Variants in SLC16A7 observed in about 807,000 individuals in gnomAD.
SLC16A7 encodes monocarboxylate transporter 2.
In SLC16A7, 33 loss-of-function variants were observed where a neutral mutation model predicts 34.9. The observed-to-expected ratio is 0.94, with a 90% CI of 0.72 to 1.26. The LOEUF is 1.26. SLC16A7 is among the 50% of genes most tolerant of loss of function. The probability of loss-of-function intolerance (pLI) is 0.00; values close to 1 mark genes in which losing one functional copy is unlikely to be tolerated. For synonymous variants in SLC16A7, 201 were observed against 206.6 expected, an observed-to-expected ratio of 0.97 and a Z score of 0.23; for missense variants, 573 against 578.1, an observed-to-expected ratio of 0.99 and a Z score of 0.09.
At chr12:59,705,054 GAAAATAATTCCTCC>G in intron 3 of SLC16A7, 36 bp downstream of exon 3, 1 of 1,372,640 alleles carries the variant, frequency 7.3e-7, no homozygotes, top group Non-Finnish European at 1.0e-6. Flanking sequence ...CCTGAATTAA[GAAAATAATTCCTCC>G]ATGTCACAAT....
At chr12:59,627,416 A>G (rs1448466165) in intron 1 of SLC16A7, among the ~76,000 whole-genome samples, 1 of 151,846 alleles carries the variant, frequency 6.6e-6, no homozygotes, top group Non-Finnish European at 1.5e-5. Flanking sequence ...TTATCTATAT[A>G]TGTGTGTGTA....
chr12:59,739,591 T>C (rs1198182518), intron 3 of SLC16A7, among the ~76,000 whole-genome samples: 1 of 148,510 alleles, frequency 6.7e-6, no homozygotes, highest in Non-Finnish European at 1.5e-5. Flanking sequence ...ATGGTATTTC[T>C]AGTTCTAGAT....
chr12:59,770,948 C>T (rs530735433), intron 3 of SLC16A7, among the ~76,000 whole-genome samples: 1 of 152,220 alleles, frequency 6.6e-6, no homozygotes, highest in South Asian at 2.1e-4. Context: ...ACTTTTCCAT[C>T]AAGATTTGAA....
chr12:59,767,775 A>G lies in SLC16A7; in HGVS notation c.218-3444A>G, dbSNP rs186656982. 1.8e-3 allele frequency among the ~76,000 whole-genome samples: 281 copies of G among 152,162 alleles called. 1 individual carries two copies. Among genetic ancestry groups the G allele is most frequent in the African/African-American group, 6.5e-3 (268 of 41,524 alleles). On this transcript the variant is annotated intron_variant, in intron 3 of 5. Transcript: ENST00000547379. The stretch of plus-strand genomic sequence containing the variant: ...TATTGTTTTCATGCCTGCTAATACA[A>G]CATTCATTCTGCAGCTCATGGATCA...
chr12:59,712,282 A>C (rs773150359), intron 3 of SLC16A7, among the ~76,000 whole-genome samples: 4 of 152,264 alleles, frequency 2.6e-5, no homozygotes, highest in Non-Finnish European at 4.4e-5. Flanking sequence ...TGCCAATAAC[A>C]TTTAAAAACG....
chr12:59,616,259 C>T (rs1879444713), intron 1 of SLC16A7, among the ~76,000 whole-genome samples: 1 of 152,094 alleles, frequency 6.6e-6, no homozygotes, highest in African/African-American at 2.4e-5. Flanking sequence ...CCTGACAGTA[C>T]CTAAATAACA....
Position 59,711,544 on chromosome 12 carries a change from A to G in SLC16A7, c.217+6526A>G, listed in dbSNP as rs1298293009. 2.0e-5 allele frequency among the ~76,000 whole-genome samples: 3 copies of G among 152,196 alleles called. No individual in the cohort carries two copies. In the South Asian group the frequency reaches 6.2e-4, roughly 32 times the overall value. On this transcript the variant is annotated intron_variant, in intron 3 of 5. Coordinates refer to ENST00000547379, the MANE Select transcript of SLC16A7 (RefSeq NM_001270623.2). ...ATTGCATTTTGTTAAAATTTGAAAC[A>G]GGGTCACTCTGTTGCCCAAGCTGAG... is the stretch of plus-strand genomic sequence containing the variant.
chr12:59,625,223 T>C (rs1275535283), intron 1 of SLC16A7, among the ~76,000 whole-genome samples: 1 of 151,784 alleles, frequency 6.6e-6, no homozygotes, highest in East Asian at 1.9e-4. Context: ...ACAGGAATGA[T>C]AATGCAGTGC....
intron 2 of SLC16A7, among the ~76,000 whole-genome samples, chr12:59,667,156 G>A (rs770597973): frequency 1.8e-4 from 27 of 152,170 alleles, no homozygotes; most frequent in Non-Finnish European, 2.9e-5. Flanking sequence ...GGAAAGAACA[G>A]CCTCCATGAT....
chr12:59,690,278 AG>A (rs1466463866), intron 2 of SLC16A7, among the ~76,000 whole-genome samples: 6 of 151,964 alleles, frequency 3.9e-5, no homozygotes, highest in African/African-American at 1.4e-4. Flanking sequence ...CCTTTTCAGG[AG>A]GGGAGCACTG....
intron 3 of SLC16A7, among the ~76,000 whole-genome samples, chr12:59,706,364 G>C (rs1368988637): frequency 6.7e-6 from 1 of 148,684 alleles, no homozygotes; most frequent in Non-Finnish European, 1.5e-5. Flanking sequence ...ATAATTCCCT[G>C]TGTGTGTGTG....
At chr12:59,614,115 A>T (rs1407990221) in intron 1 of SLC16A7, among the ~76,000 whole-genome samples, 1 of 148,518 alleles carries the variant, frequency 6.7e-6, no homozygotes, top group Admixed American at 6.8e-5. Flanking sequence ...CAGTGGTGCG[A>T]TCTCGACTCA....
In SLC16A7 at chr12:59,699,310, A is replaced by G. The variant is rs553655473; in HGVS notation, c.-30-5462A>G. ...TAAGCATAACTAGTAAAATAAAAGAACTGATATTTAAAGAACAGAATGGCT... is the reference window on the plus strand; with the variant it reads ...TAAGCATAACTAGTAAAATAAAAGAGCTGATATTTAAAGAACAGAATGGCT... On this transcript the variant is annotated intron_variant, in intron 2 of 5. Transcript: ENST00000547379. 2.0e-5 allele frequency among the ~76,000 whole-genome samples: 3 copies of G among 151,858 alleles called. No individual in the cohort carries two copies. In the South Asian group the frequency reaches 6.2e-4, roughly 31 times the overall value.
At chr12:59,687,293 A>G (rs1373233322) in intron 2 of SLC16A7, among the ~76,000 whole-genome samples, 1 of 151,950 alleles carries the variant, frequency 6.6e-6, no homozygotes, top group Non-Finnish European at 1.5e-5. Flanking sequence ...TGTCCCTGCT[A>G]TCCTGCTATT....
chr12:59,693,617 T>C (rs1283622152), intron 2 of SLC16A7, among the ~76,000 whole-genome samples: 1 of 151,916 alleles, frequency 6.6e-6, no homozygotes, highest in East Asian at 1.9e-4. Flanking sequence ...AAAAACATTA[T>C]GGACAGCACA....
At chr12:59,651,867 A>G (rs889614963) in intron 1 of SLC16A7, among the ~76,000 whole-genome samples, 3 of 152,176 alleles carry the variant, frequency 2.0e-5, no homozygotes, top group Non-Finnish European at 4.4e-5. Context: ...AAAAAGATTT[A>G]AAAGAAGATA....
chr12:59,786,630 A>ATGTT lies in SLC16A7; in HGVS notation c.*6953_*6956dup, dbSNP rs1399061503. 5 of 152,194 alleles carry ATGTT rather than the reference A, an allele frequency of 3.3e-5. No homozygotes were observed. Among genetic ancestry groups the ATGTT allele is most frequent in the Non-Finnish European group, 5.9e-5 (4 of 68,018 alleles). 9.4% of individuals were successfully genotyped at this position (152,194 alleles called of 1,614,324 possible). On this transcript the variant is annotated 3_prime_UTR_variant, in exon 6 of 6. Transcript: ENST00000547379. ...TTGATATATTTATGTCTCAGAAGAT[A>ATGTT]TGTTTAATGAATTCATTTCATCCTC...
At chr12:59,778,507 T>A (rs1236764884) in intron 5 of SLC16A7, among the ~76,000 whole-genome samples, 1 of 152,140 alleles carries the variant, frequency 6.6e-6, no homozygotes, top group Non-Finnish European at 1.5e-5. Context: ...TAGATTTGTA[T>A]ACACTAAATT....
rs1301166329 is a variant in SLC16A7 at position 59,640,724 on chromosome 12, AC to A, written c.-129-14427del. 2.6e-5 allele frequency among the ~76,000 whole-genome samples: 4 copies of A among 152,058 alleles called. No homozygotes were observed. In the East Asian group the frequency reaches 7.7e-4, roughly 29 times the overall value. On this transcript the variant is annotated intron_variant, in intron 1 of 5. Coordinates refer to ENST00000547379, the MANE Select transcript of SLC16A7 (RefSeq NM_001270623.2). ...AAGTTTTTCACAGCCCCTATCCAAA[AC>A]AAGTTCTGCCATGTATTAAAAACTG...
Sources: allele counts gnomAD v4.1 joint callset (sites outside exome capture counted in the v4.1 genomes callset), GRCh38; gene constraint gnomAD v4.1.1; transcripts MANE v1.5; gene names NCBI Gene and HGNC (gene_info 2026-07-23, HGNC 2026-07-21).